PIK3CB: variants seen among roughly 807,000 people sequenced by gnomAD.
PIK3CB encodes phosphatidylinositol-4,5-bisphosphate 3-kinase catalytic subunit beta.
Under a neutral mutation model 136.8 loss-of-function variants are expected in PIK3CB, and 39 were observed. The observed-to-expected ratio is 0.29, with a 90% CI of 0.22 to 0.37. The LOEUF (loss-of-function observed/expected upper bound fraction) is 0.37. Among genes scored for constraint, PIK3CB ranks in the 10% least tolerant of loss-of-function variants. The pLI, the probability that PIK3CB is intolerant of heterozygous loss-of-function variation, is 1.00. For synonymous variants in PIK3CB, 428 were observed against 436.6 expected, an observed-to-expected ratio of 0.98 and a Z score of 0.25; for missense variants, 868 against 1,275.4, an observed-to-expected ratio of 0.68 and a Z score of 4.87.
At chr3:138,710,023 CAA>C (rs34985570) in intron 10 of PIK3CB, among the ~76,000 whole-genome samples, 43 of 91,926 alleles carry the variant, frequency 4.7e-4, no homozygotes, top group Non-Finnish European at 6.7e-4. Flanking sequence ...ACAAAAAATA[CAA>C]AAAAAAAAAA....
chr3:138,750,588 G>C (rs2045452384), intron 4 of PIK3CB, among the ~76,000 whole-genome samples: 1 of 152,132 alleles, frequency 6.6e-6, no homozygotes, highest in East Asian at 1.9e-4. Flanking sequence ...TGTGCGGCCT[G>C]GTTCCTAACC....
chr3:138,830,732 T>C (rs556295413), intron 1 of PIK3CB, among the ~76,000 whole-genome samples: 3 of 149,354 alleles, frequency 2.0e-5, no homozygotes, highest in African/African-American at 7.4e-5. Context: ...ACCCTGTCTC[T>C]ACTAAAAACA....
intron 6 of PIK3CB, 118 bp from the exon 7 acceptor site, chr3:138,734,922 A>G: frequency 1.8e-6 from 1 of 567,368 alleles, no homozygotes; most frequent in Non-Finnish European, 2.8e-6. Flanking sequence ...CTTAAACCAC[A>G]GCAGAATATC....
intron 12 of PIK3CB, among the ~76,000 whole-genome samples, chr3:138,702,317 C>T (rs909350725): frequency 5.9e-5 from 9 of 151,284 alleles, no homozygotes; most frequent in African/African-American, 2.2e-4. Context: ...TCAAGCAATC[C>T]TCCTACCTTG....
At chr3:138,810,874 C>T (rs777490738) in intron 1 of PIK3CB, among the ~76,000 whole-genome samples, 16 of 150,902 alleles carry the variant, frequency 1.1e-4, no homozygotes, top group Non-Finnish European at 2.4e-4. Flanking sequence ...GAGCCGAGAT[C>T]GTGCCACTGC....
At chr3:138,710,746 A>G (rs1423577350) in intron 10 of PIK3CB, among the ~76,000 whole-genome samples, 1 of 152,182 alleles carries the variant, frequency 6.6e-6, no homozygotes, top group Non-Finnish European at 1.5e-5. Context: ...AGCGTGTGGA[A>G]GGTGCTCCAT....
At chr3:138,753,261 C>A (rs1034456181) in intron 4 of PIK3CB, among the ~76,000 whole-genome samples, 2 of 152,130 alleles carry the variant, frequency 1.3e-5, no homozygotes, top group Non-Finnish European at 2.9e-5. Flanking sequence ...TGGTTCACAC[C>A]TGTAATCCCA....
At chr3:138,663,197 TCAAA>T (rs1322072289) in intron 21 of PIK3CB, among the ~76,000 whole-genome samples, 1 of 151,946 alleles carries the variant, frequency 6.6e-6, no homozygotes, top group East Asian at 1.9e-4. Flanking sequence ...TACAATGAAC[TCAAA>T]CAAATTTACA....
Position 138,693,966 on chromosome 3 carries a change from T to TATATATATATATATATATA in PIK3CB, c.1892+819_1892+820insTATATATATATATATATAT, listed in dbSNP as rs1457395869. Among the ~76,000 whole-genome samples the TATATATATATATATATATA allele has an allele frequency of 2.6e-4, 11 of 42,406 alleles. 2 individuals carry two copies. In the East Asian group the frequency reaches 7.7e-3, roughly 30 times the overall value. The allele number at this position is 42,406 out of a possible 152,430, so 27.8% of individuals were successfully genotyped here. A position where few individuals can be genotyped will look rare whatever the true frequency, so the allele number is the denominator to read the frequency against. The stretch of plus-strand genomic sequence containing the variant: ...ATATATATATATATATATATATATA[T>TATATATATATATATATATA]TATATATATATATATATATATATAT... On this transcript the variant is annotated intron_variant, in intron 14 of 23. Coordinates refer to ENST00000674063, the MANE Select transcript of PIK3CB (RefSeq NM_006219.3).
chr3:138,712,352 G>T, intron 9 of PIK3CB, 48 bp from the exon 10 acceptor site: 2 of 817,190 alleles, frequency 2.4e-6, no homozygotes, highest in Non-Finnish European at 3.9e-6. Flanking sequence ...ATAACTTTAA[G>T]GTGTAAACAT....
At chr3:138,813,504 G>A (rs1449946618) in intron 1 of PIK3CB, among the ~76,000 whole-genome samples, 5 of 144,374 alleles carry the variant, frequency 3.5e-5, no homozygotes, top group South Asian at 2.2e-4. Flanking sequence ...CGATCTCTCC[G>A]CCTCCTGGGT....
At chr3:138,830,951 T>TAAA (rs1553745184) in intron 1 of PIK3CB, among the ~76,000 whole-genome samples, 3 of 138,106 alleles carry the variant, frequency 2.2e-5, no homozygotes, top group East Asian at 2.1e-4. Context: ...ATAATAATAA[T>TAAA]AAAGCAGGAA....
chr3:138,805,872 G>C (rs1477428988), intron 1 of PIK3CB, among the ~76,000 whole-genome samples: 1 of 151,452 alleles, frequency 6.6e-6, no homozygotes, highest in African/African-American at 2.4e-5. Flanking sequence ...TGGGATTACA[G>C]GCATGCCCCA....
chr3:138,738,209 T>C (rs1202338202), intron 5 of PIK3CB, among the ~76,000 whole-genome samples: 1 of 151,878 alleles, frequency 6.6e-6, no homozygotes, highest in Admixed American at 6.6e-5. Flanking sequence ...TCTCACACTG[T>C]CCCCCAGGCT....
At chr3:138,777,586 G>A (rs903830519) in intron 2 of PIK3CB, among the ~76,000 whole-genome samples, 9 of 152,108 alleles carry the variant, frequency 5.9e-5, no homozygotes, top group African/African-American at 2.2e-4. Context: ...ACTCTGGTGT[G>A]CCCCATCCAA....
At chr3:138,834,435 T>G (rs879894095) in intron 1 of PIK3CB, among the ~76,000 whole-genome samples, 11 of 152,312 alleles carry the variant, frequency 7.2e-5, no homozygotes, top group African/African-American at 2.6e-4. Flanking sequence ...CGGCAGCGTC[T>G]CTGCCGCCCA....
intron 14 of PIK3CB, 105 bp downstream of exon 14, chr3:138,694,678 GAAT>G: frequency 8.7e-7 from 1 of 1,154,250 alleles, no homozygotes; most frequent in Non-Finnish European, 1.2e-6. Context: ...TTTGAACTGT[GAAT>G]AATTCTGAGC....
intron 1 of PIK3CB, among the ~76,000 whole-genome samples, chr3:138,814,829 C>T (rs1470329964): frequency 1.3e-5 from 2 of 151,870 alleles, no homozygotes; most frequent in Admixed American, 1.3e-4. Context: ...TGGCAAAACC[C>T]CATCTCTACA....
intron 19 of PIK3CB, among the ~76,000 whole-genome samples, chr3:138,677,893 T>C (rs113180793): frequency 0.039 from 5,936 of 152,140 alleles, 410 homozygotes; most frequent in African/African-American, 0.14. Context: ...GAAACTCCCG[T>C]TTCAAACAAA....
Sources: allele counts gnomAD v4.1 joint callset (sites outside exome capture counted in the v4.1 genomes callset), GRCh38; gene constraint gnomAD v4.1.1; transcripts MANE v1.5; gene names NCBI Gene and HGNC (gene_info 2026-07-23, HGNC 2026-07-21).